Variants in CPEB1 observed in about 807,000 individuals in gnomAD.
CPEB1 encodes the protein cytoplasmic polyadenylation element binding protein 1, also known as cytoplasmic polyadenylation element-binding protein 1.
A neutral mutation model predicts 65.8 loss-of-function variants in CPEB1; 7 were observed. The observed-to-expected ratio is 0.11, with a 90% CI of 0.06 to 0.20. The LOEUF (loss-of-function observed/expected upper bound fraction) is 0.20. Ranked by LOEUF, CPEB1 falls within the 10% of genes least tolerant of loss-of-function variation. CPEB1 has a pLI of 1.00. For missense variants in CPEB1, 551 were observed against 712.2 expected (o/e 0.77, Z 2.58); for synonymous variants, 262 against 260.0 (o/e 1.01, Z -0.08).
At chr15:82,584,039 C>T (rs796136354) in intron 3 of CPEB1, among the ~76,000 whole-genome samples, 4 of 151,754 alleles carry the variant, frequency 2.6e-5, no homozygotes, top group African/African-American at 9.7e-5. Flanking sequence ...GCAGGTGGAT[C>T]ACAAGGTCAG....
intron 2 of CPEB1, chr15:82,628,123 C>A: frequency 2.9e-6 from 2 of 684,796 alleles, no homozygotes; most frequent in South Asian, 1.6e-5. Flanking sequence ...TCATGAAAGT[C>A]TAGAAGAATT....
rs1231543603 is a variant in CPEB1 at position 82,590,221 on chromosome 15, A to C, written c.272-18689T>G. Among the ~76,000 whole-genome samples the C allele has an allele frequency of 1.3e-3, 114 of 89,222 alleles. 2 individuals are homozygous for C. The highest frequency in any genetic ancestry group is 5.8e-3 in the Middle Eastern group (1 of 172). 58.5% of individuals were successfully genotyped at this position (89,222 alleles called of 152,430 possible). A position where few individuals can be genotyped will look rare whatever the true frequency, so the allele number is the denominator to read the frequency against. On this transcript the variant is annotated intron_variant, in intron 3 of 12. Coordinates refer to ENST00000684509, the MANE Select transcript of CPEB1 (RefSeq NM_001365242.1). ...CTCATCCCTTTGACAAAAAAAAAAAAAAAAAAAAAAAAAAAAAAACAGTTG... is the reference window on the plus strand; with the variant it reads ...CTCATCCCTTTGACAAAAAAAAAAACAAAAAAAAAAAAAAAAAAACAGTTG...
rs2035281312 is a variant in CPEB1 at position 82,546,676 on chromosome 15, T to G, written c.1576-155A>C. On this transcript the variant is annotated intron_variant, in intron 11 of 12. Coordinates refer to ENST00000684509, the MANE Select transcript of CPEB1 (RefSeq NM_001365242.1). Reference sequence around the variant, plus strand: ...TTTAAAGGAGGCTTGGAGAGAATTATGGGCCTGAAGTACAGAAAGGAGTTC... The same window carrying G: ...TTTAAAGGAGGCTTGGAGAGAATTAGGGGCCTGAAGTACAGAAAGGAGTTC... Among the ~76,000 whole-genome samples, 2 of 152,196 alleles carry G rather than the reference T, an allele frequency of 1.3e-5. 1 individual carries two copies. Among genetic ancestry groups the G allele is most frequent in the Admixed American group, 1.3e-4 (2 of 15,288 alleles).
chr15:82,597,161 CA>C (rs1020718342), intron 3 of CPEB1, among the ~76,000 whole-genome samples: 1 of 151,988 alleles, frequency 6.6e-6, no homozygotes, highest in Non-Finnish European at 1.5e-5. Context: ...CCTATCTCTA[CA>C]AAAAAATGAA....
intron 1 of CPEB1, among the ~76,000 whole-genome samples, chr15:82,642,138 C>T (rs587766435): frequency 2.0e-5 from 3 of 152,302 alleles, no homozygotes; most frequent in Non-Finnish European, 2.9e-5. Flanking sequence ...AAACTTTCTA[C>T]GGAATCTGTG....
chr15:82,601,708 A>C (rs1327093948), intron 3 of CPEB1, among the ~76,000 whole-genome samples: 6 of 152,208 alleles, frequency 3.9e-5, no homozygotes, highest in Non-Finnish European at 7.3e-5. Context: ...TATGCCATTC[A>C]AGCACCAAAA....
At chr15:82,599,041 C>T (rs185056296) in intron 3 of CPEB1, among the ~76,000 whole-genome samples, 2 of 151,980 alleles carry the variant, frequency 1.3e-5, no homozygotes, top group Admixed American at 1.3e-4. Flanking sequence ...TAATAATTCC[C>T]CCAAAGATAC....
intron 1 of CPEB1, among the ~76,000 whole-genome samples, chr15:82,639,516 T>TC (rs1416855123): frequency 6.6e-6 from 1 of 152,082 alleles, no homozygotes; most frequent in Non-Finnish European, 1.5e-5. Context: ...TAACTTAGTA[T>TC]CTGACATGTC....
intron 3 of CPEB1, among the ~76,000 whole-genome samples, chr15:82,599,063 T>C (rs966746044): frequency 7.9e-5 from 12 of 152,294 alleles, no homozygotes; most frequent in East Asian, 1.9e-4. Context: ...AGACGATCCA[T>C]TGGAGACCTT....
At chr15:82,552,737 T>G in intron 8 of CPEB1, 121 bp from the exon 9 acceptor site, 1 of 1,148,084 alleles carries the variant, frequency 8.7e-7, no homozygotes, top group South Asian at 1.4e-5. Context: ...TACATTTTTG[T>G]TTTACTCCTG....
intron 3 of CPEB1, among the ~76,000 whole-genome samples, chr15:82,594,755 G>C (rs576822938): frequency 6.6e-6 from 1 of 152,262 alleles, no homozygotes; most frequent in East Asian, 1.9e-4. Flanking sequence ...GATGTAAACT[G>C]AGACACATGT....
At chr15:82,558,086 C>G (rs2037547043) in intron 4 of CPEB1, 100 bp from the exon 5 acceptor site, 1 of 771,248 alleles carries the variant, frequency 1.3e-6, no homozygotes, top group Non-Finnish European at 2.1e-6. Context: ...ATACCAAAGG[C>G]AAGACAACTA....
intron 3 of CPEB1, among the ~76,000 whole-genome samples, chr15:82,590,313 C>T (rs961670525): frequency 1.4e-4 from 21 of 148,710 alleles, no homozygotes; most frequent in Admixed American, 3.4e-4. Flanking sequence ...ACCCATTACA[C>T]ATATTTTTTC....
At chr15:82,572,914 C>T (rs148438950) in intron 3 of CPEB1, 780 of 958,382 alleles carry the variant, frequency 8.1e-4, no homozygotes, top group Non-Finnish European at 1.0e-3. Flanking sequence ...TCTCCTCCCA[C>T]ATCGGTCCTT....
chr15:82,569,171 G>T (rs971476449), intron 4 of CPEB1, among the ~76,000 whole-genome samples: 2 of 152,204 alleles, frequency 1.3e-5, no homozygotes, highest in Non-Finnish European at 2.9e-5. Context: ...TGCTGGTGAG[G>T]GTGCACGATC....
intron 3 of CPEB1, among the ~76,000 whole-genome samples, chr15:82,621,384 G>A (rs913468669): frequency 4.6e-5 from 7 of 151,956 alleles, no homozygotes; most frequent in African/African-American, 1.7e-4. Context: ...CACTTTGGGA[G>A]GCCGAGGCAG....
chr15:82,624,914 C>T lies in CPEB1; in HGVS notation c.271+2279G>A, dbSNP rs144680873. ...GTACAGTGCCACAACCACAGTTCAC[C>T]GCAGTCTCGACCTCCCAGGCTCAAG... On this transcript the variant is annotated intron_variant, in intron 3 of 12. Transcript: ENST00000684509. 5.3e-3 allele frequency among the ~76,000 whole-genome samples: 809 copies of T among 152,176 alleles called. 5 individuals are homozygous for T. Among genetic ancestry groups the T allele is most frequent in the Non-Finnish European group, 8.4e-3 (568 of 68,006 alleles).
chr15:82,614,405 T>C (rs930978597), intron 3 of CPEB1, among the ~76,000 whole-genome samples: 1 of 152,238 alleles, frequency 6.6e-6, no homozygotes, highest in Non-Finnish European at 1.5e-5. Context: ...ATATATTCTA[T>C]GTTTAACAAT....
At position 82,553,930 on chromosome 15, in the gene CPEB1, G is replaced by T; in HGVS notation, c.1002C>A (p.Pro334=). The T allele has an allele frequency of 6.2e-7, 1 of 1,612,676 alleles. No homozygotes were observed. Residue 334 remains proline (P), a synonymous_variant, in exon 7 of 13, where the codon CCC becomes CCA. Transcript: ENST00000684509. ...CTAGAAACACCTTGCAAGAGTAGAT[G>T]GGGTTCTTATAGTTCCGGGGAGGAA... The part of the protein sequence containing the change: ...GQLPPRNYKN[P]IYSCKVFLGG...
Sources: gnomAD v4.1 joint callset for allele counts (sites outside exome capture counted in the v4.1 genomes callset) on GRCh38, gnomAD v4.1.1 for gene constraint, MANE v1.5 for transcripts, NCBI Gene and HGNC (gene_info 2026-07-23, HGNC 2026-07-21) for gene names.